Variants in DLC1 observed in about 807,000 individuals in gnomAD.
DLC1 encodes DLC1 Rho GTPase activating protein, also known as rho GTPase-activating protein 7.
A neutral mutation model predicts 140.3 loss-of-function variants in DLC1; 54 were observed. The observed-to-expected ratio is 0.38, with a 90% CI of 0.31 to 0.48. DLC1 has a LOEUF of 0.48. Ranked by LOEUF, DLC1 falls within the 20% of genes least tolerant of loss-of-function variation. The pLI is 0.96. For synonymous variants in DLC1, 986 were observed against 728.1 expected, an observed-to-expected ratio of 1.35 and a Z score of -5.70; for missense variants, 2,536 against 1,907.0, an observed-to-expected ratio of 1.33 and a Z score of -6.14.
At chr8:13,208,070 C>T (rs1827762518) in intron 5 of DLC1, among the ~76,000 whole-genome samples, 1 of 152,124 alleles carries the variant, frequency 6.6e-6, no homozygotes. Flanking sequence ...TTATGTTTAG[C>T]TCTGTGAATT....
In DLC1 at chr8:13,244,562, G is replaced by C. The variant is rs138767092; in HGVS notation, c.1348+60707C>G. Among the ~76,000 whole-genome samples the C allele has an allele frequency of 1.5e-3, 227 of 152,130 alleles. 1 individual carries two copies. The highest frequency in any genetic ancestry group is 5.3e-3 in the African/African-American group (221 of 41,502). ...GATCCTCCCACTTCAGTCTCCCAAA[G>C]TGCTGGGATTACAGGCATGAGCCAC... On this transcript the variant is annotated intron_variant, in intron 5 of 17. Transcript: ENST00000276297.
chr8:13,260,234 G>T (rs1830420576), intron 5 of DLC1, among the ~76,000 whole-genome samples: 1 of 152,214 alleles, frequency 6.6e-6, no homozygotes, highest in Admixed American at 6.5e-5. Context: ...AAACAGTGAA[G>T]AGGGCAGTGG....
At chr8:13,602,870 G>T (rs898024714) in intron 1 of DLC1, among the ~76,000 whole-genome samples, 5 of 151,776 alleles carry the variant, frequency 3.3e-5, no homozygotes, top group Admixed American at 2.6e-4. Context: ...TGAGATGAAA[G>T]TATCTTCAGA....
chr8:13,100,013 T>G lies in DLC1; in HGVS notation c.2324A>C (p.Tyr775Ser), dbSNP rs372929532. ...LSACNKRVGMYLEGFDPFNQS... is the reference protein window; with the variant it reads ...LSACNKRVGMSLEGFDPFNQS... ...ATTGAAAGGATCGAAGCCCTCTAAG[T>G]ACATGCCCACCCGCTTGTTGCACGC... Residue 775 changes from tyrosine (Y) to serine (S), a missense_variant, in exon 9 of 18, where the codon TAC becomes TCC. Tyr to Ser is a moderately radical substitution (Grantham distance 144). Coordinates refer to ENST00000276297, the MANE Select transcript of DLC1 (RefSeq NM_182643.3). 33 of 1,612,700 alleles carry G rather than the reference T, an allele frequency of 2.0e-5. No homozygotes were observed. Among genetic ancestry groups the G allele is most frequent in the Non-Finnish European group, 2.7e-5 (32 of 1,180,038 alleles).
At chr8:13,150,479 G>A (rs991896527) in intron 5 of DLC1, among the ~76,000 whole-genome samples, 5 of 152,200 alleles carry the variant, frequency 3.3e-5, no homozygotes, top group African/African-American at 1.2e-4. Flanking sequence ...GAGCCATGGT[G>A]TGTAACCCTT....
chr8:13,411,090 G>C (rs1016302508), intron 2 of DLC1, among the ~76,000 whole-genome samples: 2 of 152,146 alleles, frequency 1.3e-5, no homozygotes, highest in African/African-American at 4.8e-5. Flanking sequence ...AGTTGAAAAT[G>C]TATGTCCCCA....
chr8:13,288,407 CCTT>C (rs1440273335), intron 5 of DLC1, among the ~76,000 whole-genome samples: 5 of 152,194 alleles, frequency 3.3e-5, no homozygotes, highest in Non-Finnish European at 7.3e-5. Flanking sequence ...ACTCTTCTCT[CCTT>C]CTAAACTCAA....
At chr8:13,405,267 A>G (rs1837475448) in intron 2 of DLC1, among the ~76,000 whole-genome samples, 1 of 152,092 alleles carries the variant, frequency 6.6e-6, no homozygotes, top group African/African-American at 2.4e-5. Flanking sequence ...AATACCTAAG[A>G]GGTAGTTTTT....
At chr8:13,262,588 CT>C (rs1002301143) in intron 5 of DLC1, among the ~76,000 whole-genome samples, 3 of 152,024 alleles carry the variant, frequency 2.0e-5, no homozygotes, top group Non-Finnish European at 2.9e-5. Context: ...GAGATGAGGC[CT>C]TGTCCTGGCA....
At chr8:13,175,271 T>A (rs576240193) in intron 5 of DLC1, among the ~76,000 whole-genome samples, 2 of 151,610 alleles carry the variant, frequency 1.3e-5, no homozygotes, top group Admixed American at 1.3e-4. Flanking sequence ...CTTTATAATA[T>A]AGTTTGAAGT....
chr8:13,464,099 A>T (rs1033970467), intron 2 of DLC1, among the ~76,000 whole-genome samples: 3 of 152,254 alleles, frequency 2.0e-5, no homozygotes, highest in African/African-American at 7.2e-5. Context: ...GGGGGAAACC[A>T]GCAGGGTTGT....
chr8:13,168,148 T>C (rs1825227227), intron 5 of DLC1, among the ~76,000 whole-genome samples: 1 of 152,218 alleles, frequency 6.6e-6, no homozygotes, highest in Admixed American at 6.5e-5. Context: ...ATCTTTCTTA[T>C]GAGGCCACTT....
intron 5 of DLC1, among the ~76,000 whole-genome samples, chr8:13,237,311 T>C (rs1376002097): frequency 1.3e-5 from 2 of 148,238 alleles, no homozygotes; most frequent in African/African-American, 2.5e-5. Context: ...CATATATACA[T>C]ATATATCAGC....
chr8:13,157,439 A>C (rs891442516), intron 5 of DLC1, among the ~76,000 whole-genome samples: 3 of 151,844 alleles, frequency 2.0e-5, no homozygotes, highest in African/African-American at 7.3e-5. Flanking sequence ...TTCAGAGGGG[A>C]CAATTGGAAT....
chr8:13,407,104 AT>A (rs1837603042), intron 2 of DLC1, among the ~76,000 whole-genome samples: 1 of 152,168 alleles, frequency 6.6e-6, no homozygotes, highest in South Asian at 2.1e-4. Context: ...TAGGAGAGAA[AT>A]TTCAATTCAA....
At chr8:13,410,675 C>G (rs144348373) in intron 2 of DLC1, among the ~76,000 whole-genome samples, 2 of 151,600 alleles carry the variant, frequency 1.3e-5, no homozygotes, top group Non-Finnish European at 2.9e-5. Flanking sequence ...AAAATGTCAC[C>G]AAAGAATGTA....
intron 13 of DLC1, among the ~76,000 whole-genome samples, chr8:13,091,701 G>A (rs186833531): frequency 3.3e-5 from 5 of 152,074 alleles, no homozygotes; most frequent in Non-Finnish European, 5.9e-5. Flanking sequence ...CTGGGAACAG[G>A]GCAGCTTGTA....
At chr8:13,432,944 T>C (rs75527758) in intron 2 of DLC1, among the ~76,000 whole-genome samples, 2 of 1,370 alleles carry the variant, frequency 1.5e-3, no homozygotes, top group African/African-American at 2.7e-3. Context: ...CTCTCTTCCT[T>C]TTTTTTTTTT....
At chr8:13,447,624 C>T (rs1366247527) in intron 2 of DLC1, among the ~76,000 whole-genome samples, 2 of 151,884 alleles carry the variant, frequency 1.3e-5, no homozygotes, top group Non-Finnish European at 2.9e-5. Flanking sequence ...AGGTAATAAA[C>T]GTTATAATAA....
Sources: allele counts gnomAD v4.1 joint callset (sites outside exome capture counted in the v4.1 genomes callset), GRCh38; gene constraint gnomAD v4.1.1; transcripts MANE v1.5; gene names NCBI Gene and HGNC (gene_info 2026-07-23, HGNC 2026-07-21).